The following ASTN2 variants were observed in gnomAD, a reference collection of about 807,000 sequenced individuals.
ASTN2 encodes astrotactin-2.
ASTN2 carries 54 observed loss-of-function variants against 139.8 expected under a neutral mutation model. The observed-to-expected ratio is 0.39, with a 90% confidence interval of 0.31 to 0.48. ASTN2 has a LOEUF of 0.48. Ranked by LOEUF, ASTN2 falls within the 20% of genes least tolerant of loss-of-function variation. ASTN2 has a pLI of 0.95. For missense variants in ASTN2, 1,565 were observed against 1,725.1 expected (o/e 0.91, Z 1.64); for synonymous variants, 756 against 719.5 (o/e 1.05, Z -0.81).
intron 13 of ASTN2, among the ~76,000 whole-genome samples, chr9:116,796,286 C>A (rs1385249792): frequency 6.6e-6 from 1 of 152,152 alleles, no homozygotes; most frequent in Non-Finnish European, 1.5e-5. Flanking sequence ...CTCTTAAATA[C>A]AAAGTCATTG....
At chr9:117,406,796 T>C (rs1831003308) in intron 1 of ASTN2, among the ~76,000 whole-genome samples, 1 of 151,956 alleles carries the variant, frequency 6.6e-6, no homozygotes, top group Admixed American at 6.6e-5. Flanking sequence ...CCATAGAATT[T>C]TTCATCTTCT....
chr9:117,127,925 C>A (rs1829735613), intron 4 of ASTN2, among the ~76,000 whole-genome samples: 1 of 151,934 alleles, frequency 6.6e-6, no homozygotes, highest in Non-Finnish European at 1.5e-5. Context: ...CGTGATCCAC[C>A]CGCCTCGGCC....
At chr9:117,047,552 C>T (rs767379522) in intron 5 of ASTN2, among the ~76,000 whole-genome samples, 1 of 152,166 alleles carries the variant, frequency 6.6e-6, no homozygotes, top group Non-Finnish European at 1.5e-5. Flanking sequence ...TCAACCCCTA[C>T]TAAGCATCAG....
intron 10 of ASTN2, among the ~76,000 whole-genome samples, chr9:116,907,192 T>C (rs1488187691): frequency 1.3e-5 from 2 of 152,216 alleles, no homozygotes; most frequent in African/African-American, 4.8e-5. Context: ...AGTGTGTGTT[T>C]ACTGATTGTT....
chr9:116,668,082 C>T (rs767179899), intron 16 of ASTN2, among the ~76,000 whole-genome samples: 13 of 152,174 alleles, frequency 8.5e-5, no homozygotes, highest in South Asian at 4.1e-4. Flanking sequence ...TCCATATCCC[C>T]TGCTCCCAAC....
intron 20 of ASTN2, among the ~76,000 whole-genome samples, chr9:116,481,160 G>A (rs1849156078): frequency 6.6e-6 from 1 of 151,468 alleles, no homozygotes; most frequent in African/African-American, 2.4e-5. Context: ...GGCTGAGGCA[G>A]GTAAATGGCT....
chr9:116,794,599 C>T (rs185271062), intron 13 of ASTN2, among the ~76,000 whole-genome samples: 41 of 152,256 alleles, frequency 2.7e-4, no homozygotes, highest in Non-Finnish European at 5.4e-4. Context: ...ATTATTTACA[C>T]GCTGTGTGGC....
chr9:117,399,781 G>A (rs537975935), intron 1 of ASTN2, among the ~76,000 whole-genome samples: 10 of 152,286 alleles, frequency 6.6e-5, no homozygotes, highest in Admixed American at 3.3e-4. Flanking sequence ...AGGTTTTCGG[G>A]TTGAATTGGT....
At chr9:116,839,226 C>A (rs1201646992) in intron 11 of ASTN2, among the ~76,000 whole-genome samples, 1 of 152,140 alleles carries the variant, frequency 6.6e-6, no homozygotes, top group African/African-American at 2.4e-5. Context: ...TAGCTCACTG[C>A]AGTCTTGAAA....
At chr9:117,113,962 C>T (rs1430901019) in intron 4 of ASTN2, among the ~76,000 whole-genome samples, 1 of 151,896 alleles carries the variant, frequency 6.6e-6, no homozygotes, top group Non-Finnish European at 1.5e-5. Context: ...GAATTGCATA[C>T]TCTAAATGGA....
At chr9:117,214,772 G>A in intron 2 of ASTN2, 30 bp from the exon 3 acceptor site, 1 of 1,455,078 alleles carries the variant, frequency 6.9e-7, no homozygotes, top group South Asian at 1.6e-5. Flanking sequence ...CACACAAATG[G>A]GCCACTGTTC....
At chr9:116,981,628 T>G (rs1236475090) in intron 7 of ASTN2, among the ~76,000 whole-genome samples, 1 of 152,226 alleles carries the variant, frequency 6.6e-6, no homozygotes, top group Non-Finnish European at 1.5e-5. Context: ...ACCACTTCAG[T>G]GTCCTTTTGC....
Position 117,114,178 on chromosome 9 carries a change from T to TTA in ASTN2, c.1169-18028_1169-18027insTA, listed in dbSNP as rs1554779837. ...AATGAACATTAGTCTTTTTTTTTTTTAAAAAAAAAGTCTATGGGATTTATC... is the reference window on the plus strand; with the variant it reads ...AATGAACATTAGTCTTTTTTTTTTTTTAAAAAAAAAAGTCTATGGGATTTATC... On this transcript the variant is annotated intron_variant, in intron 4 of 22. Coordinates refer to ENST00000313400, the MANE Select transcript of ASTN2 (RefSeq NM_001365068.1). Among the ~76,000 whole-genome samples, 33 of 149,850 alleles carry TTA rather than the reference T, an allele frequency of 2.2e-4. No individual in the cohort carries two copies. In the South Asian group the frequency reaches 4.4e-3, roughly 20 times the overall value.
intron 2 of ASTN2, among the ~76,000 whole-genome samples, chr9:117,272,861 T>G (rs759380076): frequency 3.3e-5 from 5 of 152,208 alleles, no homozygotes; most frequent in Non-Finnish European, 7.3e-5. Context: ...AACAAATCTC[T>G]AGGAAGTTCC....
At chr9:117,220,659 T>C (rs968030667) in intron 2 of ASTN2, among the ~76,000 whole-genome samples, 1 of 152,102 alleles carries the variant, frequency 6.6e-6, no homozygotes, top group African/African-American at 2.4e-5. Flanking sequence ...GAGAAACTGG[T>C]AGAAAGGCAT....
At chr9:116,614,153 T>C (rs547827861) in intron 19 of ASTN2, among the ~76,000 whole-genome samples, 1 of 152,182 alleles carries the variant, frequency 6.6e-6, no homozygotes, top group Admixed American at 6.5e-5. Flanking sequence ...TACCTAGGAA[T>C]CCAACTTACA....
At chr9:116,785,744 C>G (rs938939086) in intron 13 of ASTN2, among the ~76,000 whole-genome samples, 1 of 152,056 alleles carries the variant, frequency 6.6e-6, no homozygotes, top group African/African-American at 2.4e-5. Flanking sequence ...AGAATCTGCC[C>G]ACCTCTCTCC....
intron 16 of ASTN2, among the ~76,000 whole-genome samples, chr9:116,681,186 C>T (rs1859840251): frequency 6.6e-6 from 1 of 152,144 alleles, no homozygotes; most frequent in African/African-American, 2.4e-5. Context: ...TCTCAGGATA[C>T]AAAATCAATG....
At chr9:117,284,231 G>C (rs1834393070) in intron 2 of ASTN2, among the ~76,000 whole-genome samples, 1 of 152,138 alleles carries the variant, frequency 6.6e-6, no homozygotes, top group East Asian at 1.9e-4. Flanking sequence ...AGCCTCATGA[G>C]TAGCTAGGAC....
Sources: gnomAD v4.1 joint callset for allele counts (sites outside exome capture counted in the v4.1 genomes callset) on GRCh38, gnomAD v4.1.1 for gene constraint, MANE v1.5 for transcripts, NCBI Gene and HGNC (gene_info 2026-07-23, HGNC 2026-07-21) for gene names.